MC2R: variants seen among roughly 807,000 people sequenced by gnomAD.
MC2R encodes melanocortin 2 receptor, also known as adrenocorticotropic hormone receptor.
In MC2R, 9 loss-of-function variants were observed where a neutral mutation model predicts 9.8. That is an observed-to-expected ratio of 0.92 (90% confidence interval 0.55 to 1.60). The LOEUF (loss-of-function observed/expected upper bound fraction) is 1.60. Among genes scored for constraint, MC2R ranks in the 40% most tolerant of loss-of-function variants. The probability of loss-of-function intolerance (pLI) is 0.00; values close to 1 mark genes in which losing one functional copy is unlikely to be tolerated. For missense variants in MC2R, 370 were observed against 389.0 expected (o/e 0.95, Z 0.41); for synonymous variants, 185 against 154.7 (o/e 1.20, Z -1.45).
intron 1 of MC2R, among the ~76,000 whole-genome samples, chr18:13,887,273 G>A (rs573342320): frequency 8.8e-6 from 1 of 113,236 alleles, no homozygotes; most frequent in East Asian, 2.5e-4. Flanking sequence ...GAAGCCTCAG[G>A]GATGGGAGGG....
At chr18:13,909,967 C>T (rs2045435605) in intron 1 of MC2R, among the ~76,000 whole-genome samples, 1 of 152,112 alleles carries the variant, frequency 6.6e-6, no homozygotes, top group South Asian at 2.1e-4. Flanking sequence ...ATGGATGATG[C>T]TTTTCATGTT....
intron 1 of MC2R, among the ~76,000 whole-genome samples, chr18:13,907,295 G>A (rs1192926811): frequency 6.6e-6 from 1 of 152,092 alleles, no homozygotes; most frequent in East Asian, 1.9e-4. Flanking sequence ...TCAGTAAATG[G>A]TGCTGGGAAA....
chr18:13,911,983 G>T (rs2045447301), intron 1 of MC2R, among the ~76,000 whole-genome samples: 1 of 152,132 alleles, frequency 6.6e-6, no homozygotes, highest in Non-Finnish European at 1.5e-5. Flanking sequence ...ATTGGGGTCA[G>T]AACTGCTCCA....
chr18:13,914,283 C>A (rs1434004715), intron 1 of MC2R, among the ~76,000 whole-genome samples: 1 of 152,168 alleles, frequency 6.6e-6, no homozygotes, highest in East Asian at 1.9e-4. Context: ...TCCCTGCTCC[C>A]ACAGCTCTTT....
At chr18:13,885,722 A>T (rs754927487) in intron 1 of MC2R, 76 bp from the exon 2 acceptor site, 6 of 596,444 alleles carry the variant, frequency 1.0e-5, no homozygotes, top group African/African-American at 1.9e-5. Context: ...GCTTAAAGAA[A>T]CTCTATTCCC....
intron 1 of MC2R, among the ~76,000 whole-genome samples, chr18:13,903,568 G>A (rs894674930): frequency 1.3e-5 from 2 of 152,150 alleles, no homozygotes; most frequent in African/African-American, 4.8e-5. Flanking sequence ...AAATAAGCCA[G>A]GAACAGAAAG....
At chr18:13,910,105 A>C (rs1026573428) in intron 1 of MC2R, among the ~76,000 whole-genome samples, 1 of 152,232 alleles carries the variant, frequency 6.6e-6, no homozygotes, top group Admixed American at 6.5e-5. Context: ...GTAAGGAATA[A>C]GATCTATGTT....
intron 1 of MC2R, among the ~76,000 whole-genome samples, chr18:13,897,690 G>A (rs1246742084): frequency 6.6e-6 from 1 of 152,034 alleles, no homozygotes; most frequent in Non-Finnish European, 1.5e-5. Context: ...CTCAACCACA[G>A]CAAGATAGGG....
At position 13,885,097 on chromosome 18, in the gene MC2R, A is replaced by T; in HGVS notation, c.422T>A (p.Ile141Asn). The stretch of plus-strand genomic sequence containing the variant: ...CACCACAGTGCGGCGCATGGTCACG[A>T]TGCTGTGGTACCGCAGTGCGTGGAA... The part of the protein sequence containing the change: ...TIFHALRYHS[I>N]VTMRRTVVVL... Residue 141 changes from isoleucine to asparagine, a missense_variant, in exon 2 of 2, where the codon ATC (isoleucine) becomes AAC (asparagine). By Grantham distance (149) the Ile-to-Asn change is moderately radical. Coordinates refer to ENST00000327606, the MANE Select transcript of MC2R (RefSeq NM_000529.2). 1 of 1,614,166 alleles carries T rather than the reference A, an allele frequency of 6.2e-7. No homozygotes were observed. Among genetic ancestry groups the T allele is most frequent in the East Asian group, 2.2e-5 (1 of 44,878 alleles).
intron 1 of MC2R, among the ~76,000 whole-genome samples, chr18:13,910,762 G>A (rs578231805): frequency 6.6e-6 from 1 of 152,246 alleles, no homozygotes; most frequent in Non-Finnish European, 1.5e-5. Flanking sequence ...CAGGGCACCA[G>A]GCATCTGGAG....
Position 13,882,302 on chromosome 18 carries a change from GA to G in MC2R, c.*2322del, listed in dbSNP as rs1567894094. 2.0e-5 allele frequency: 3 copies of G among 152,196 alleles called. No individual in the cohort carries two copies. The highest frequency in any genetic ancestry group is 7.2e-5 in the African/African-American group (3 of 41,454). 9.4% of individuals were successfully genotyped at this position (152,196 alleles called of 1,614,324 possible). A position where few individuals can be genotyped will look rare whatever the true frequency, so the allele number is the denominator to read the frequency against. On this transcript the variant is annotated 3_prime_UTR_variant, in exon 2 of 2. Coordinates refer to ENST00000327606, the MANE Select transcript of MC2R (RefSeq NM_000529.2). ...TCATTTGGAATTCTATATGAAGTTA[GA>G]GGTAGAAAAACGTGAGTTTTCTCAG...
intron 1 of MC2R, among the ~76,000 whole-genome samples, chr18:13,913,061 T>C (rs1410803693): frequency 6.6e-6 from 1 of 152,150 alleles, no homozygotes; most frequent in Admixed American, 6.5e-5. Context: ...TTTTTTAATA[T>C]ACACAAGACT....
chr18:13,905,752 A>G (rs2045410213), intron 1 of MC2R, among the ~76,000 whole-genome samples: 1 of 152,186 alleles, frequency 6.6e-6, no homozygotes, highest in South Asian at 2.1e-4. Flanking sequence ...CTGGGTATAT[A>G]CCCAAAGAAA....
rs2045256960 is a variant in MC2R at position 13,884,216 on chromosome 18, T to G, written c.*409A>C. On this transcript the variant is annotated 3_prime_UTR_variant, in exon 2 of 2. Transcript: ENST00000327606. ...ATGGCCTCCACCTGGAAAGGCCACCTCAGAACTGGCTTGTTAGATGTCCAC... is the reference window on the plus strand; with the variant it reads ...ATGGCCTCCACCTGGAAAGGCCACCGCAGAACTGGCTTGTTAGATGTCCAC... The G allele has an allele frequency of 3.6e-6, 1 of 279,682 alleles. No individual in the cohort carries two copies. Among genetic ancestry groups the G allele is most frequent in the Non-Finnish European group, 6.9e-6 (1 of 144,414 alleles). The allele number at this position is 279,682 out of a possible 1,614,324, so 17.3% of individuals were successfully genotyped here.
chr18:13,904,233 T>C (rs555723437), intron 1 of MC2R, among the ~76,000 whole-genome samples: 180 of 150,252 alleles, frequency 1.2e-3, no homozygotes, highest in Non-Finnish European at 2.0e-3. Context: ...AAAAAAAACT[T>C]AGGCAGGCGA....
At chr18:13,897,805 A>G (rs182662627) in intron 1 of MC2R, among the ~76,000 whole-genome samples, 1 of 151,678 alleles carries the variant, frequency 6.6e-6, no homozygotes, top group East Asian at 2.0e-4. Flanking sequence ...AAGGGAAGGA[A>G]CCAGTTCTGG....
At chr18:13,912,412 T>C (rs11877782) in intron 1 of MC2R, among the ~76,000 whole-genome samples, 79,468 of 151,810 alleles carry the variant, frequency 0.52, 21,965 homozygotes, top group African/African-American at 0.71. Context: ...CCAAAGAGCC[T>C]GAGAGGCTGA....
chr18:13,913,826 C>T (rs1021807668), intron 1 of MC2R, among the ~76,000 whole-genome samples: 4 of 152,180 alleles, frequency 2.6e-5, no homozygotes, highest in South Asian at 2.1e-4. Context: ...ATTTCTACAA[C>T]GGCATTATTC....
chr18:13,899,498 A>G (rs1185596482), intron 1 of MC2R, among the ~76,000 whole-genome samples: 3 of 152,218 alleles, frequency 2.0e-5, no homozygotes, highest in Non-Finnish European at 4.4e-5. Flanking sequence ...AAAGATACCA[A>G]TATGGAAGTA....
Sources: allele counts gnomAD v4.1 joint callset (sites outside exome capture counted in the v4.1 genomes callset), GRCh38; gene constraint gnomAD v4.1.1; transcripts MANE v1.5; gene names NCBI Gene and HGNC (gene_info 2026-07-23, HGNC 2026-07-21).